Variants in TRIO observed in about 807,000 individuals in gnomAD.
TRIO encodes trio Rho guanine nucleotide exchange factor.
A neutral mutation model predicts 351.9 loss-of-function variants in TRIO; 58 were observed. The observed-to-expected ratio is 0.16, with a 90% CI of 0.13 to 0.21. TRIO has a LOEUF of 0.21. Among genes scored for constraint, TRIO ranks in the 10% least tolerant of loss-of-function variants. TRIO has a pLI of 1.00. For missense variants in TRIO, 3,201 were observed against 4,027.8 expected, an observed-to-expected ratio of 0.79 and a Z score of 5.56; for synonymous variants, 1,758 against 1,595.7, an observed-to-expected ratio of 1.10 and a Z score of -2.42.
rs74340461 is a variant in TRIO, at chr5:14,498,316, G to A, written c.8210+65G>A. On this transcript the variant is annotated intron_variant, in intron 52 of 56. Transcript: ENST00000344204. Reference sequence around the variant, plus strand: ...AGCACCATCTTGTCACTTGGCAACTGGAAATTCCTCCTTCACGGATGGATT... The same window carrying A: ...AGCACCATCTTGTCACTTGGCAACTAGAAATTCCTCCTTCACGGATGGATT... The A allele has an allele frequency of 5.2e-3, 8,236 of 1,584,446 alleles. 203 individuals are homozygous for A. The African/African-American group carries it at 0.06, about 12-fold the overall frequency.
intron 45 of TRIO, 129 bp downstream of exon 45, chr5:14,481,747 T>A: frequency 3.8e-5 from 18 of 478,680 alleles, no homozygotes; most frequent in Non-Finnish European, 5.5e-5. Flanking sequence ...TCACTTTACC[T>A]CAATCTGATT....
chr5:14,405,812 G>C (rs190502595), intron 31 of TRIO, 36 bp from the exon 32 acceptor site: 45 of 1,599,538 alleles, frequency 2.8e-5, no homozygotes, highest in Non-Finnish European at 3.8e-5. Flanking sequence ...GGAAAGGGCC[G>C]TTCCGTATCC....
chr5:14,313,185 G>T (rs1739077317), intron 8 of TRIO, among the ~76,000 whole-genome samples: 1 of 152,198 alleles, frequency 6.6e-6, no homozygotes, highest in East Asian at 1.9e-4. Context: ...GTAAATGACA[G>T]TACCAGTGGT....
At chr5:14,384,131 A>G (rs768896071) in intron 21 of TRIO, among the ~76,000 whole-genome samples, 2 of 152,138 alleles carry the variant, frequency 1.3e-5, no homozygotes, top group Admixed American at 6.5e-5. Context: ...AAACCTAGTG[A>G]CGTAGGCTCT....
intron 1 of TRIO, among the ~76,000 whole-genome samples, chr5:14,197,904 A>G (rs1446143583): frequency 6.6e-6 from 1 of 152,162 alleles, no homozygotes; most frequent in Non-Finnish European, 1.5e-5. Context: ...CTTAAGGGAG[A>G]TGCTGTCTCT....
At chr5:14,367,024 A>G (rs374361117) in intron 16 of TRIO, 45 bp downstream of exon 16, 44 of 1,610,218 alleles carry the variant, frequency 2.7e-5, no homozygotes, top group Non-Finnish European at 3.6e-5. Flanking sequence ...TTCATTCCTC[A>G]GGACAAACAT....
chr5:14,307,861 G>A (rs983585091), intron 8 of TRIO, among the ~76,000 whole-genome samples: 2 of 152,150 alleles, frequency 1.3e-5, no homozygotes, highest in East Asian at 1.9e-4. Flanking sequence ...AGAATGAGCT[G>A]TATTTCCTTT....
At chr5:14,312,617 T>G (rs1739027968) in intron 8 of TRIO, among the ~76,000 whole-genome samples, 2 of 152,236 alleles carry the variant, frequency 1.3e-5, no homozygotes, top group Admixed American at 6.5e-5. Context: ...AGCTGTTGTC[T>G]CTTTGTGGCT....
chr5:14,196,289 G>A (rs573371153), intron 1 of TRIO, among the ~76,000 whole-genome samples: 1 of 152,082 alleles, frequency 6.6e-6, no homozygotes, highest in Non-Finnish European at 1.5e-5. Context: ...TGGGCGTGGT[G>A]GCGTGCTCCT....
intron 1 of TRIO, among the ~76,000 whole-genome samples, chr5:14,226,391 G>T (rs916346678): frequency 6.6e-6 from 1 of 152,168 alleles, no homozygotes; most frequent in Non-Finnish European, 1.5e-5. Flanking sequence ...GAAAACCAGG[G>T]TGTTGCCAGT....
chr5:14,353,063 TGTTAA>T (rs1330815318), intron 11 of TRIO, among the ~76,000 whole-genome samples: 1 of 152,144 alleles, frequency 6.6e-6, no homozygotes, highest in Non-Finnish European at 1.5e-5. Context: ...TGTGGGATGA[TGTTAA>T]GTTTACTAGA....
chr5:14,469,522 A>T (rs1198566895), intron 37 of TRIO, among the ~76,000 whole-genome samples: 1 of 152,246 alleles, frequency 6.6e-6, no homozygotes, highest in Non-Finnish European at 1.5e-5. Flanking sequence ...GGACACAAAA[A>T]ACAACCAAAC....
At chr5:14,390,139 A>AG (rs1746924506) in intron 25 of TRIO, 92 bp from the exon 26 acceptor site, 1 of 1,156,612 alleles carries the variant, frequency 8.6e-7, no homozygotes, top group South Asian at 1.4e-5. Flanking sequence ...TTCATTCTTT[A>AG]GGGGGCACAG....
At chr5:14,281,971 G>A (rs1192701259) in intron 3 of TRIO, among the ~76,000 whole-genome samples, 1 of 152,224 alleles carries the variant, frequency 6.6e-6, no homozygotes, top group East Asian at 1.9e-4. Context: ...AGCGGGACAA[G>A]GCAGCCATGC....
intron 30 of TRIO, among the ~76,000 whole-genome samples, chr5:14,400,673 CAGAT>C (rs1747997214): frequency 6.6e-6 from 1 of 152,130 alleles, no homozygotes; most frequent in Admixed American, 6.5e-5. Flanking sequence ...TCTTGATTGT[CAGAT>C]AGTAGGATTT....
intron 1 of TRIO, among the ~76,000 whole-genome samples, chr5:14,177,895 A>G (rs1169942168): frequency 6.6e-6 from 1 of 152,246 alleles, no homozygotes; most frequent in African/African-American, 2.4e-5. Flanking sequence ...GGTCCTCACC[A>G]TACCGTGGCT....
At chr5:14,404,916 G>A (rs946737257) in intron 31 of TRIO, among the ~76,000 whole-genome samples, 2 of 152,116 alleles carry the variant, frequency 1.3e-5, no homozygotes, top group African/African-American at 4.8e-5. Flanking sequence ...GAAATGCTGG[G>A]CGCTCCCCAC....
rs1432998512 is a variant in TRIO, at chr5:14,406,204, A to C, written c.4859+214A>C. ...TTAGAGTAAACGAAGGGCTGTGTGC[A>C]AACCTCTCATTGTTTTGCCTTTCTC... is the stretch of plus-strand genomic sequence containing the variant. On this transcript the variant is annotated intron_variant, in intron 32 of 56. Coordinates refer to ENST00000344204, the MANE Select transcript of TRIO (RefSeq NM_007118.4). 10 of 717,382 alleles carry C rather than the reference A, an allele frequency of 1.4e-5. No individual in the cohort carries two copies. The Admixed American group carries it at 2.4e-4, about 17-fold the overall frequency. The allele number at this position is 717,382 out of a possible 1,614,324, so 44.4% of individuals were successfully genotyped here. A position where few individuals can be genotyped will look rare whatever the true frequency, so the allele number is the denominator to read the frequency against.
intron 24 of TRIO, 29 bp downstream of exon 24, chr5:14,388,708 CTTGTTTATTTAGA>C: frequency 1.3e-6 from 1 of 745,446 alleles, no homozygotes; most frequent in Non-Finnish European, 1.9e-6. Flanking sequence ...TTTTTTTTTG[CTTGTTTATTTAGA>C]TTGAGCATAA....
Sources: allele counts gnomAD v4.1 joint callset (sites outside exome capture counted in the v4.1 genomes callset), GRCh38; gene constraint gnomAD v4.1.1; transcripts MANE v1.5; gene names NCBI Gene and HGNC (gene_info 2026-07-23, HGNC 2026-07-21).